Variants in ITFG1 observed in about 807,000 individuals in gnomAD.
ITFG1 encodes the protein integrin alpha FG-GAP repeat containing 1.
In ITFG1, 34 loss-of-function variants were observed where a neutral mutation model predicts 81.8. That is an observed-to-expected ratio of 0.42 (90% CI 0.32 to 0.55). The LOEUF is 0.55. ITFG1 is among the 20% of genes least tolerant of loss of function. The pLI, the probability that ITFG1 is intolerant of heterozygous loss-of-function variation, is 0.17. For synonymous variants in ITFG1, 285 were observed against 270.6 expected, an observed-to-expected ratio of 1.05 and a Z score of -0.52; for missense variants, 672 against 755.4, an observed-to-expected ratio of 0.89 and a Z score of 1.29.
At chr16:47,291,907 G>A (rs1383031700) in intron 10 of ITFG1, among the ~76,000 whole-genome samples, 2 of 151,724 alleles carry the variant, frequency 1.3e-5, no homozygotes, top group African/African-American at 4.8e-5. Context: ...GTCACACTGA[G>A]TTTCCGTAAT....
At chr16:47,214,060 G>A (rs1379602896) in intron 14 of ITFG1, among the ~76,000 whole-genome samples, 1 of 152,214 alleles carries the variant, frequency 6.6e-6, no homozygotes, top group Non-Finnish European at 1.5e-5. Context: ...TGTGGGATAT[G>A]AGTCTGCCTC....
At chr16:47,185,284 G>C (rs1965195766) in intron 14 of ITFG1, among the ~76,000 whole-genome samples, 1 of 152,252 alleles carries the variant, frequency 6.6e-6, no homozygotes, top group Non-Finnish European at 1.5e-5. Context: ...GGACCTAATA[G>C]ACAGCTACAG....
chr16:47,157,953 C>T (rs955464797), intron 17 of ITFG1, among the ~76,000 whole-genome samples: 2 of 152,142 alleles, frequency 1.3e-5, no homozygotes, highest in Non-Finnish European at 2.9e-5. Flanking sequence ...TGCTAATTTA[C>T]AGTGATAGCC....
intron 8 of ITFG1, among the ~76,000 whole-genome samples, chr16:47,357,785 T>C (rs567979236): frequency 2.6e-5 from 4 of 152,300 alleles, no homozygotes; most frequent in African/African-American, 9.6e-5. Flanking sequence ...TTTTTCCTCA[T>C]ATTTGTATAC....
At chr16:47,340,401 G>C (rs1414008110) in intron 8 of ITFG1, among the ~76,000 whole-genome samples, 1 of 152,034 alleles carries the variant, frequency 6.6e-6, no homozygotes, top group Non-Finnish European at 1.5e-5. Flanking sequence ...ACATAAACAG[G>C]AATAAAAGAG....
At chr16:47,162,204 T>TA in intron 15 of ITFG1, among the ~76,000 whole-genome samples, 1 of 151,846 alleles carries the variant, frequency 6.6e-6, no homozygotes, top group Non-Finnish European at 1.5e-5. Context: ...ATATAAATAA[T>TA]ACACATATGT....
chr16:47,156,817 GAGTCACATGGA>G (rs1250285702), intron 17 of ITFG1, among the ~76,000 whole-genome samples: 21 of 152,210 alleles, frequency 1.4e-4, no homozygotes, highest in Admixed American at 1.2e-3. Context: ...TACGACTGTG[GAGTCACATGGA>G]AGTCATATGC....
intron 10 of ITFG1, among the ~76,000 whole-genome samples, chr16:47,310,385 A>G (rs1967239007): frequency 6.6e-6 from 1 of 152,232 alleles, no homozygotes; most frequent in Admixed American, 6.5e-5. Flanking sequence ...ATTAATGCTC[A>G]GAAAAATAAT....
intron 6 of ITFG1, among the ~76,000 whole-genome samples, chr16:47,380,194 G>C (rs1263183146): frequency 2.0e-5 from 3 of 152,090 alleles, no homozygotes; most frequent in Non-Finnish European, 4.4e-5. Context: ...TAGATCCCTA[G>C]GTTGGAAACA....
chr16:47,175,592 A>C (rs1965015043), intron 14 of ITFG1, among the ~76,000 whole-genome samples: 1 of 152,136 alleles, frequency 6.6e-6, no homozygotes, highest in Non-Finnish European at 1.5e-5. Context: ...CTCTATGAAA[A>C]GGACTTCTAA....
chr16:47,198,986 A>G (rs1965390561), intron 14 of ITFG1, among the ~76,000 whole-genome samples: 1 of 152,208 alleles, frequency 6.6e-6, no homozygotes, highest in Admixed American at 6.5e-5. Flanking sequence ...AAACAAATTT[A>G]GTGTAGGCTG....
intron 6 of ITFG1, among the ~76,000 whole-genome samples, chr16:47,382,237 T>C (rs1968404708): frequency 6.6e-6 from 1 of 152,198 alleles, no homozygotes; most frequent in Admixed American, 6.5e-5. Context: ...TTGCATTAGT[T>C]ATATTTTTGT....
chr16:47,374,608 C>T (rs1031055171), intron 7 of ITFG1, among the ~76,000 whole-genome samples: 2 of 152,166 alleles, frequency 1.3e-5, no homozygotes, highest in East Asian at 3.8e-4. Context: ...TGCAAACAAA[C>T]TTCTCCCAGC....
At position 47,271,487 on chromosome 16, in the gene ITFG1, C is replaced by T. The variant is rs144620062; in HGVS notation, c.1071-10792G>A. Among the ~76,000 whole-genome samples the T allele has an allele frequency of 4.3e-3, 655 of 152,196 alleles. 2 individuals are homozygous for T. Among genetic ancestry groups the T allele is most frequent in the Non-Finnish European group, 7.1e-3 (485 of 68,012 alleles). ...AGAGGTTGGTGAGGATATAGAAAAACGAGAATACTTGTATAATGTAGACGG... is the reference window on the plus strand; with the variant it reads ...AGAGGTTGGTGAGGATATAGAAAAATGAGAATACTTGTATAATGTAGACGG... On this transcript the variant is annotated intron_variant, in intron 10 of 17. Coordinates refer to ENST00000320640, the MANE Select transcript of ITFG1 (RefSeq NM_030790.5).
At chr16:47,413,300 A>G (rs1323492117) in intron 6 of ITFG1, among the ~76,000 whole-genome samples, 1 of 152,238 alleles carries the variant, frequency 6.6e-6, no homozygotes, top group Admixed American at 6.5e-5. Flanking sequence ...CTTTTCAGAC[A>G]AGCAAATGTT....
intron 10 of ITFG1, among the ~76,000 whole-genome samples, chr16:47,277,335 C>T (rs956813152): frequency 2.0e-5 from 3 of 152,052 alleles, no homozygotes; most frequent in African/African-American, 7.3e-5. Context: ...CAGGACCAGC[C>T]CCCAGTACCC....
At chr16:47,285,934 T>C (rs1054932467) in intron 10 of ITFG1, among the ~76,000 whole-genome samples, 1 of 152,198 alleles carries the variant, frequency 6.6e-6, no homozygotes, top group African/African-American at 2.4e-5. Flanking sequence ...TACCCACTGC[T>C]AAATTATTTG....
At chr16:47,274,949 T>G (rs1966382226) in intron 10 of ITFG1, among the ~76,000 whole-genome samples, 3 of 152,144 alleles carry the variant, frequency 2.0e-5, no homozygotes, top group South Asian at 2.1e-4. Flanking sequence ...CTCTGTAGTA[T>G]GTAAAGAATT....
At chr16:47,390,263 T>C (rs1968513897) in intron 6 of ITFG1, among the ~76,000 whole-genome samples, 1 of 152,218 alleles carries the variant, frequency 6.6e-6, no homozygotes, top group African/African-American at 2.4e-5. Flanking sequence ...CACCAGTCAT[T>C]GTGACAGAGA....
Sources: gnomAD v4.1 joint callset for allele counts (sites outside exome capture counted in the v4.1 genomes callset) on GRCh38, gnomAD v4.1.1 for gene constraint, MANE v1.5 for transcripts, NCBI Gene and HGNC (gene_info 2026-07-23, HGNC 2026-07-21) for gene names.